Variants in PRKAB2 observed in about 807,000 individuals in gnomAD.
PRKAB2 encodes protein kinase AMP-activated non-catalytic subunit beta 2, also known as 5'-AMP-activated protein kinase subunit beta-2.
A neutral mutation model predicts 29.8 loss-of-function variants in PRKAB2; 18 were observed. That is an observed-to-expected ratio of 0.60 (90% confidence interval 0.42 to 0.89). PRKAB2 has a LOEUF of 0.89. Ranked by LOEUF, PRKAB2 falls within the 40% of genes least tolerant of loss-of-function variation. The probability of loss-of-function intolerance (pLI) is 0.00; values close to 1 mark genes in which losing one functional copy is unlikely to be tolerated. For synonymous variants in PRKAB2, 136 were observed against 125.9 expected, an observed-to-expected ratio of 1.08 and a Z score of -0.54; for missense variants, 270 against 344.3, an observed-to-expected ratio of 0.78 and a Z score of 1.71.
rs776140258 is a variant in PRKAB2 at position 147,166,555 on chromosome 1, C to T, written c.481G>A (p.Glu161Lys). 6.2e-7 allele frequency: 1 copy of T among 1,614,108 alleles called. No individual in the cohort carries two copies. Among genetic ancestry groups the T allele is most frequent in the Non-Finnish European group, 8.5e-7 (1 of 1,179,942 alleles). ...TCTAACTTTAAAGCATCGAACACCT[C>T]AAAATCAGATTTCTTGACATGGATC... ...NLIHVKKSDF[E>K]VFDALKLDSM... is the part of the protein sequence containing the mutation. Residue 161 changes from glutamate to lysine, a missense_variant, in exon 5 of 8, where the codon GAG becomes AAG. Physicochemically the swap from Glu to Lys is moderately conservative, Grantham distance 56. Coordinates refer to ENST00000254101, the MANE Select transcript of PRKAB2 (RefSeq NM_005399.5).
intron 2 of PRKAB2, among the ~76,000 whole-genome samples, chr1:147,171,757 G>A (rs1553914417): frequency 6.6e-6 from 1 of 152,138 alleles, no homozygotes; most frequent in Non-Finnish European, 1.5e-5. Context: ...TAAAAATGTG[G>A]CCAACAGATT....
intron 7 of PRKAB2, 46 bp from the exon 8 acceptor site, chr1:147,159,688 G>C (rs782675924): frequency 6.5e-7 from 1 of 1,534,300 alleles, no homozygotes; most frequent in South Asian, 1.1e-5. Flanking sequence ...ACTTCAGACA[G>C]TAGGTAGCTC....
chr1:147,159,737 C>A, intron 7 of PRKAB2, 95 bp from the exon 8 acceptor site: 1 of 1,100,774 alleles, frequency 9.1e-7, no homozygotes, highest in South Asian at 1.4e-5. Flanking sequence ...TCACTTTTAA[C>A]AGAGATAGTT....
chr1:147,167,177 A>G (rs782210430), intron 3 of PRKAB2, among the ~76,000 whole-genome samples: 1 of 152,222 alleles, frequency 6.6e-6, no homozygotes, highest in Non-Finnish European at 1.5e-5. Flanking sequence ...AAGAATAATA[A>G]AAACATTAAT....
rs1553912821 is a variant in PRKAB2 at position 147,159,556 on chromosome 1, G to A, written c.*9C>T. On this transcript the variant is annotated 3_prime_UTR_variant, in exon 8 of 8. Coordinates refer to ENST00000254101, the MANE Select transcript of PRKAB2 (RefSeq NM_005399.5). ...TCTCCTGAATCCTTAGAGGCAAGAA[G>A]GGATCCCTTCAAATGGGCTTGTATA... The A allele has an allele frequency of 1.2e-6, 2 of 1,610,580 alleles. No individual in the cohort carries two copies. The highest frequency in any genetic ancestry group is 1.1e-5 in the South Asian group (1 of 90,924).
chr1:147,164,006 G>A (rs933993560), intron 5 of PRKAB2, among the ~76,000 whole-genome samples: 3 of 151,754 alleles, frequency 2.0e-5, no homozygotes, highest in African/African-American at 4.8e-5. Context: ...GCTTGATCAC[G>A]GCTCACTACA....
At chr1:147,161,860 C>A (rs1653981850) in intron 6 of PRKAB2, 80 bp from the exon 7 acceptor site, 1 of 1,143,038 alleles carries the variant, frequency 8.7e-7, no homozygotes, top group Non-Finnish European at 1.2e-6. Flanking sequence ...CTTACTCTTC[C>A]TCAGAGCTCT....
chr1:147,170,831 C>T (rs1278568386), intron 2 of PRKAB2, among the ~76,000 whole-genome samples: 1 of 152,234 alleles, frequency 6.6e-6, no homozygotes, highest in African/African-American at 2.4e-5. Flanking sequence ...ATCCAACCGC[C>T]TCGGCCTCCC....
intron 2 of PRKAB2, among the ~76,000 whole-genome samples, chr1:147,169,181 GTTTT>G (rs201940212): frequency 6.6e-6 from 1 of 151,210 alleles, no homozygotes; most frequent in Non-Finnish European, 1.5e-5. Context: ...AATAATGTGG[GTTTT>G]TTTTTAAAAA....
chr1:147,172,361 G>C (rs1224514573), intron 1 of PRKAB2, 68 bp downstream of exon 1: 1 of 639,346 alleles, frequency 1.6e-6, no homozygotes, highest in Non-Finnish European at 2.5e-6. Context: ...CCTAGCTCAG[G>C]AAACCCGCTA....
intron 5 of PRKAB2, among the ~76,000 whole-genome samples, chr1:147,163,904 G>A (rs1654101619): frequency 6.6e-6 from 1 of 151,886 alleles, no homozygotes; most frequent in South Asian, 2.1e-4. Context: ...CAAAAATGAA[G>A]AGAAATATAT....
In PRKAB2 at chr1:147,157,835, A is replaced by T. The variant is rs782625951; in HGVS notation, c.*1730T>A. 6.6e-6 allele frequency: 1 copy of T among 152,182 alleles called. No individual in the cohort carries two copies. Among genetic ancestry groups the T allele is most frequent in the African/African-American group, 2.4e-5 (1 of 41,434 alleles). The allele number at this position is 152,182 out of a possible 1,614,324, so 9.4% of individuals were successfully genotyped here. A position where few individuals can be genotyped will look rare whatever the true frequency, so the allele number is the denominator to read the frequency against. On this transcript the variant is annotated 3_prime_UTR_variant, in exon 8 of 8. Transcript: ENST00000254101. ...TGCAGAAGGTGGCCTTGGATGGCTAAAGTAGTATTTACTCTTAGCAATTAA... is the reference window on the plus strand; with the variant it reads ...TGCAGAAGGTGGCCTTGGATGGCTATAGTAGTATTTACTCTTAGCAATTAA...
rs782427423 is a variant in PRKAB2 at position 147,167,860 on chromosome 1, C to G, written c.230G>C (p.Arg77Pro). 4.3e-6 allele frequency: 7 copies of G among 1,614,094 alleles called. No homozygotes were observed. Among genetic ancestry groups the G allele is most frequent in the Non-Finnish European group, 8.5e-7 (1 of 1,180,024 alleles). The stretch of plus-strand genomic sequence containing the variant: ...TTCAGACCAGCGGATAACAGTGGGC[C>G]GGGCCTGCTGTGTGGGCTTTACGGA... ...EDSVKPTQQARPTVIRWSEGG... is the reference protein window; with the variant it reads ...EDSVKPTQQAPPTVIRWSEGG... The change falls in exon 3 of 8, where the codon CGG becomes CCG. Residue 77 changes from arginine to proline, a missense_variant. Around this residue, in one of 2 missense-constraint regions of PRKAB2, gnomAD observed 228 missense variants for 255.5 expected, o/e 0.89. Transcript: ENST00000254101.
Position 147,157,827 on chromosome 1 carries a change from G to A in PRKAB2, c.*1738C>T, listed in dbSNP as rs1230063295. 3 of 152,006 alleles carry A rather than the reference G, an allele frequency of 2.0e-5. No homozygotes were observed. Among genetic ancestry groups the A allele is most frequent in the Admixed American group, 6.6e-5 (1 of 15,260 alleles). The allele number at this position is 152,006 out of a possible 1,614,324, so 9.4% of individuals were successfully genotyped here. ...CCTTTTGCTGCAGAAGGTGGCCTTG[G>A]ATGGCTAAAGTAGTATTTACTCTTA... On this transcript the variant is annotated 3_prime_UTR_variant, in exon 8 of 8. Transcript: ENST00000254101.
chr1:147,167,723 G>GTC (rs1654320933), intron 3 of PRKAB2, 44 bp downstream of exon 3: 1 of 1,575,714 alleles, frequency 6.3e-7, no homozygotes, highest in African/African-American at 1.4e-5. Flanking sequence ...AAGAAATCAG[G>GTC]TCTCTATTCC....
chr1:147,163,875 C>T (rs782052869), intron 5 of PRKAB2, among the ~76,000 whole-genome samples: 4 of 151,894 alleles, frequency 2.6e-5, no homozygotes, highest in Non-Finnish European at 4.4e-5. Context: ...AAAAAGTATG[C>T]AGACAAGAAT....
rs1653846344 is a variant in PRKAB2, at chr1:147,159,574, C to T, written c.810G>A (p.Lys270=). 1.2e-6 allele frequency: 2 copies of T among 1,613,204 alleles called. No homozygotes were observed. The highest frequency in any genetic ancestry group is 1.1e-5 in the South Asian group (1 of 91,024). The change falls in exon 8 of 8, where the codon AAG becomes AAA. Residue 270 remains lysine, a synonymous_variant. Coordinates refer to ENST00000254101, the MANE Select transcript of PRKAB2 (RefSeq NM_005399.5). ...KKKYVTTLLY[K]PI Reference sequence around the variant, plus strand: ...GCAAGAAGGGATCCCTTCAAATGGGCTTGTATAGCAGAGTAGTAACATACT... The same window carrying T: ...GCAAGAAGGGATCCCTTCAAATGGGTTTGTATAGCAGAGTAGTAACATACT...
At position 147,167,848 on chromosome 1, in the gene PRKAB2, A is replaced by G; in HGVS notation, c.242T>C (p.Ile81Thr). 6.2e-7 allele frequency: 1 copy of G among 1,614,188 alleles called. No homozygotes were observed. Among genetic ancestry groups the G allele is most frequent in the East Asian group, 2.2e-5 (1 of 44,886 alleles). ...KPTQQARPTV[I>T]RWSEGGKEVF... ...CTCCTTGCCTCCTTCAGACCAGCGG[A>G]TAACAGTGGGCCGGGCCTGCTGTGT... Residue 81 changes from isoleucine (I) to threonine (T), a missense_variant, in exon 3 of 8, where the codon ATC becomes ACC. This residue lies in a region of PRKAB2 where 228 missense variants were observed against 255.5 expected (regional missense o/e 0.89). Transcript: ENST00000254101.
chr1:147,162,928 C>T (rs187826928), intron 5 of PRKAB2, among the ~76,000 whole-genome samples: 9 of 152,176 alleles, frequency 5.9e-5, no homozygotes, highest in Admixed American at 2.0e-4. Context: ...TGCCCTATTT[C>T]ATGATGTTTT....
Sources: allele counts gnomAD v4.1 joint callset (sites outside exome capture counted in the v4.1 genomes callset), GRCh38; gene constraint gnomAD v4.1.1; regional missense constraint gnomAD v4.1.1; transcripts MANE v1.5; gene names NCBI Gene and HGNC (gene_info 2026-07-23, HGNC 2026-07-21).